ATP6V0A1: variants seen among roughly 807,000 people sequenced by gnomAD.
ATP6V0A1 encodes the protein V-type proton ATPase 116 kDa subunit a 1.
Under a neutral mutation model 105.4 loss-of-function variants are expected in ATP6V0A1, and 43 were observed. The ratio of observed to expected loss-of-function variants is 0.41; its 90% CI spans 0.32 to 0.53. ATP6V0A1 has a LOEUF of 0.53. Ranked by LOEUF, ATP6V0A1 falls within the 20% of genes least tolerant of loss-of-function variation. ATP6V0A1 has a pLI of 0.30. For synonymous variants in ATP6V0A1, 362 were observed against 372.8 expected (o/e 0.97, Z 0.33); for missense variants, 676 against 1,051.1 (o/e 0.64, Z 4.93).
At chr17:42,478,657 T>C in intron 7 of ATP6V0A1, 68 bp downstream of exon 7, 1 of 1,434,398 alleles carries the variant, frequency 7.0e-7, no homozygotes, top group Non-Finnish European at 9.3e-7. Context: ...TAACGTAGCA[T>C]GGGGCCACCT....
chr17:42,501,139 GCGTA>G, intron 16 of ATP6V0A1, 54 bp from the exon 17 acceptor site: 2 of 1,416,402 alleles, frequency 1.4e-6, no homozygotes, highest in Non-Finnish European at 2.0e-6. Context: ...TTTGGAAACT[GCGTA>G]TGTGATCGGT....
At chr17:42,493,137 C>A (rs1189966810) in intron 11 of ATP6V0A1, among the ~76,000 whole-genome samples, 2 of 152,108 alleles carry the variant, frequency 1.3e-5, no homozygotes, top group Non-Finnish European at 2.9e-5. Context: ...TCTAAGATGT[C>A]TGATATTTTT....
intron 2 of ATP6V0A1, among the ~76,000 whole-genome samples, chr17:42,464,124 A>G (rs2086755639): frequency 6.6e-6 from 1 of 152,212 alleles, no homozygotes; most frequent in Admixed American, 6.5e-5. Context: ...GAGTAGTGGA[A>G]TGCTCAGTCA....
At chr17:42,463,061 A>C (rs959125807) in intron 2 of ATP6V0A1, among the ~76,000 whole-genome samples, 14 of 116,710 alleles carry the variant, frequency 1.2e-4, no homozygotes, top group Non-Finnish European at 1.8e-4. Flanking sequence ...GCTGGAGTGT[A>C]GTGGTGCGAT....
chr17:42,464,559 C>T (rs1397608661), intron 2 of ATP6V0A1, among the ~76,000 whole-genome samples: 1 of 151,928 alleles, frequency 6.6e-6, no homozygotes, highest in Admixed American at 6.6e-5. Context: ...CCCGCTGCCA[C>T]TCCCGGCTAA....
In ATP6V0A1 at chr17:42,483,138, A is replaced by G. The variant is rs745837894; in HGVS notation, c.810+7A>G. The G allele has an allele frequency of 2.7e-6, 4 of 1,493,916 alleles. No individual in the cohort carries two copies. In the Admixed American group the frequency reaches 6.6e-5, roughly 25 times the overall value. The allele number at this position is 1,493,916 out of a possible 1,614,324, so 92.5% of individuals were successfully genotyped here. On this transcript the variant is annotated splice_region_variant and intron_variant, in intron 9 of 21. Coordinates refer to ENST00000343619, the MANE Select transcript of ATP6V0A1 (RefSeq NM_001130021.3). The stretch of plus-strand genomic sequence containing the variant: ...GATTGATGATCTCCAAATGGTATGC[A>G]GAAGGCTGGAGGGAATTTGTTTTTG...
intron 19 of ATP6V0A1, chr17:42,509,997 T>G (rs541233879): frequency 6.6e-6 from 1 of 152,352 alleles, no homozygotes; most frequent in Admixed American, 6.5e-5. Context: ...AAAAAAACAT[T>G]CAGCCTACTT....
intron 6 of ATP6V0A1, among the ~76,000 whole-genome samples, chr17:42,478,231 G>A (rs1192780514): frequency 8.1e-6 from 1 of 123,830 alleles, no homozygotes; most frequent in Non-Finnish European, 1.7e-5. Context: ...GGAGGGGGGA[G>A]GGAGAGCATT....
In ATP6V0A1 at chr17:42,494,607, C is replaced by T. The variant is rs918181380; in HGVS notation, c.1314+134C>T. On this transcript the variant is annotated intron_variant, in intron 12 of 21. Coordinates refer to ENST00000343619, the MANE Select transcript of ATP6V0A1 (RefSeq NM_001130021.3). ...AGTAGAGAAGTTATGTTCATTTTAA[C>T]ACCAAAGACGACATGTGCAAGCTGG... is the stretch of plus-strand genomic sequence containing the variant. 4 of 1,127,262 alleles carry T rather than the reference C, an allele frequency of 3.5e-6. No homozygotes were observed. In the African/African-American group the frequency reaches 4.7e-5, roughly 13 times the overall value. 69.8% of individuals were successfully genotyped at this position (1,127,262 alleles called of 1,614,324 possible). A position where few individuals can be genotyped will look rare whatever the true frequency, so the allele number is the denominator to read the frequency against.
intron 21 of ATP6V0A1, 87 bp from the exon 22 acceptor site, chr17:42,520,940 G>T: frequency 8.4e-7 from 1 of 1,195,282 alleles, no homozygotes; most frequent in Non-Finnish European, 1.2e-6. Context: ...AGGTGGGCAC[G>T]GGGCATCTTT....
intron 9 of ATP6V0A1, among the ~76,000 whole-genome samples, chr17:42,484,370 A>G (rs2089889800): frequency 1.3e-5 from 2 of 152,078 alleles, no homozygotes; most frequent in Admixed American, 6.6e-5. Flanking sequence ...AGTTTTTATG[A>G]TAATAATTTT....
chr17:42,458,942 G>C lies in ATP6V0A1; in HGVS notation c.-69G>C, dbSNP rs1390542506. On this transcript the variant is annotated 5_prime_UTR_variant, in exon 1 of 22. Coordinates refer to ENST00000343619, the MANE Select transcript of ATP6V0A1 (RefSeq NM_001130021.3). ...TTTGGCTGCGGTGGTTTCTGTGGCGGTTGCTGTGGCGGAGTTTGGAGGTGA... is the reference window on the plus strand; with the variant it reads ...TTTGGCTGCGGTGGTTTCTGTGGCGCTTGCTGTGGCGGAGTTTGGAGGTGA... 2.0e-5 allele frequency: 3 copies of C among 153,382 alleles called. No homozygotes were observed. The highest frequency in any genetic ancestry group is 7.2e-5 in the African/African-American group (3 of 41,482). The allele number at this position is 153,382 out of a possible 1,614,324, so 9.5% of individuals were successfully genotyped here. A position where few individuals can be genotyped will look rare whatever the true frequency, so the allele number is the denominator to read the frequency against.
At chr17:42,500,442 C>T (rs1010570549) in intron 15 of ATP6V0A1, among the ~76,000 whole-genome samples, 1 of 152,226 alleles carries the variant, frequency 6.6e-6, no homozygotes, top group Non-Finnish European at 1.5e-5. Context: ...TATTGCACCA[C>T]TGTACTCCAG....
At chr17:42,470,794 C>T (rs1324724835) in intron 5 of ATP6V0A1, 1 of 153,662 alleles carries the variant, frequency 6.5e-6, no homozygotes, top group Non-Finnish European at 1.4e-5. Context: ...CGCATTACCT[C>T]AGAGGGAAAA....
In ATP6V0A1 at chr17:42,500,850, T is replaced by C; in HGVS notation, c.1823T>C (p.Leu608Pro). 6.2e-7 allele frequency: 1 copy of C among 1,614,208 alleles called. No individual in the cohort carries two copies. The highest frequency in any genetic ancestry group is 8.5e-7 in the Non-Finnish European group (1 of 1,180,020). ...DAHTSENAPS[L>P]LIHFINMFLF... is the part of the protein sequence containing the mutation. ...CATACCTCTGAGAATGCACCAAGCCTTCTGATCCATTTCATAAACATGTTC... is the reference window on the plus strand; with the variant it reads ...CATACCTCTGAGAATGCACCAAGCCCTCTGATCCATTTCATAAACATGTTC... The change falls in exon 16 of 22, where the codon CTT (leucine) becomes CCT (proline). Residue 608 changes from leucine (L) to proline (P), a missense_variant. Leu to Pro is a moderately conservative substitution (Grantham distance 98, BLOSUM62 -3). Coordinates refer to ENST00000343619, the MANE Select transcript of ATP6V0A1 (RefSeq NM_001130021.3).
At chr17:42,494,531 T>G in intron 12 of ATP6V0A1, 58 bp downstream of exon 12, 1 of 1,519,488 alleles carries the variant, frequency 6.6e-7, no homozygotes, top group Non-Finnish European at 9.0e-7. Context: ...CAAGCATTCA[T>G]TATGAAAATT....
intron 17 of ATP6V0A1, among the ~76,000 whole-genome samples, chr17:42,506,771 A>C (rs1032612341): frequency 1.3e-5 from 2 of 152,140 alleles, no homozygotes; most frequent in African/African-American, 4.8e-5. Context: ...AGTTGACTTT[A>C]AAATCTACTT....
rs1267293655 is a variant in ATP6V0A1 at position 42,521,069 on chromosome 17, G to A, written c.2463G>A (p.Lys821=). The change falls in exon 22 of 22, where the codon AAG becomes AAA. Residue 821 remains lysine (K), a synonymous_variant. Coordinates refer to ENST00000343619, the MANE Select transcript of ATP6V0A1 (RefSeq NM_001130021.3). The surrounding 1 kb of genome is among the most constrained non-coding windows in gnomAD (Gnocchi z 4.8). ...AATTCTACAGCGGGACCGGTTTCAA[G>A]TTCTTACCCTTCTCCTTCGAGCATA... ...QNKFYSGTGF[K]FLPFSFEHIR... 57 of 1,610,670 alleles carry A rather than the reference G, an allele frequency of 3.5e-5. No homozygotes were observed. The highest frequency in any genetic ancestry group is 4.8e-5 in the Non-Finnish European group (56 of 1,178,538).
chr17:42,482,793 A>G (rs2089681260), intron 8 of ATP6V0A1, among the ~76,000 whole-genome samples: 1 of 151,438 alleles, frequency 6.6e-6, no homozygotes, highest in South Asian at 2.1e-4. Flanking sequence ...GGTACTTGGA[A>G]GGCTGAGGCA....
Sources: allele counts gnomAD v4.1 joint callset (sites outside exome capture counted in the v4.1 genomes callset), GRCh38; gene constraint gnomAD v4.1.1; non-coding constraint Gnocchi (gnomAD v3.1); transcripts MANE v1.5; gene names NCBI Gene and HGNC (gene_info 2026-07-23, HGNC 2026-07-21).